The following GNAO1 variants were observed in gnomAD, a reference collection of about 807,000 sequenced individuals.
GNAO1 encodes the protein guanine nucleotide-binding protein G(o) subunit alpha.
For missense variants in GNAO1, 166 were observed against 478.7 expected (o/e 0.35, Z 6.10); for synonymous variants, 164 against 180.7 (o/e 0.91, Z 0.74).
intron 2 of GNAO1, among the ~76,000 whole-genome samples, chr16:56,265,434 C>T (rs2036942362): frequency 6.6e-6 from 1 of 152,216 alleles, no homozygotes; most frequent in African/African-American, 2.4e-5. Flanking sequence ...GAAGAAAGCA[C>T]TTCATAAACA....
intron 6 of GNAO1, chr16:56,343,896 T>C: frequency 6.2e-7 from 1 of 1,614,190 alleles, no homozygotes. Flanking sequence ...TTGTCTTTGA[T>C]GCTGTGACGG....
chr16:56,193,730 G>A, intron 2 of GNAO1: 1 of 238,318 alleles, frequency 4.2e-6, no homozygotes, highest in Non-Finnish European at 8.5e-6. Context: ...TGCTTGGGGA[G>A]GGGGTGGCCG....
chr16:56,201,508 C>T (rs1379882728), intron 2 of GNAO1, among the ~76,000 whole-genome samples: 1 of 152,182 alleles, frequency 6.6e-6, no homozygotes, highest in Non-Finnish European at 1.5e-5. Context: ...GAGATGCCAC[C>T]TGAGGGTTGG....
intron 3 of GNAO1, among the ~76,000 whole-genome samples, chr16:56,297,751 CT>C (rs2037302333): frequency 6.6e-6 from 1 of 152,040 alleles, no homozygotes; most frequent in Non-Finnish European, 1.5e-5. Context: ...ACTTTTTCCC[CT>C]CCTTAGAAAT....
At chr16:56,212,327 G>A (rs563426101) in intron 2 of GNAO1, among the ~76,000 whole-genome samples, 5 of 152,228 alleles carry the variant, frequency 3.3e-5, no homozygotes, top group African/African-American at 1.2e-4. Context: ...GCTAAAAATT[G>A]GTGCTCCTAA....
rs747707167 is a variant in GNAO1, at chr16:56,336,785, C to T, written c.648C>T (p.Phe216=). 4.3e-6 allele frequency: 7 copies of T among 1,613,692 alleles called. No individual in the cohort carries two copies. Among genetic ancestry groups the T allele is most frequent in the South Asian group, 1.1e-5 (1 of 91,070 alleles). The change falls in exon 6 of 9, where the codon TTC becomes TTT. Residue 216 remains phenylalanine (F), a synonymous_variant. Transcript: ENST00000262493. The stretch of plus-strand genomic sequence containing the variant: ...AACGCAAGAAGTGGATCCATTGCTT[C>T]GAGGACGTCACGGCCATCATTTTCT... ...RSERKKWIHC[F]EDVTAIIFCV... is the part of the protein sequence containing the mutation.
intron 3 of GNAO1, among the ~76,000 whole-genome samples, chr16:56,280,019 GA>G (rs1450098300): frequency 6.6e-6 from 1 of 152,224 alleles, no homozygotes; most frequent in East Asian, 1.9e-4. Context: ...AGTTTTCAGA[GA>G]AAAAAAGGCA....
chr16:56,250,582 G>A (rs895123902), intron 2 of GNAO1, among the ~76,000 whole-genome samples: 2 of 152,156 alleles, frequency 1.3e-5, no homozygotes, highest in African/African-American at 2.4e-5. Flanking sequence ...TTGAGATTGC[G>A]TATCAAACCC....
chr16:56,344,343 C>T (rs1333631527), intron 6 of GNAO1: 9 of 1,062,108 alleles, frequency 8.5e-6, no homozygotes, highest in Admixed American at 4.7e-5. Context: ...GGCCCTGCAG[C>T]AGGGTGCTGG....
At chr16:56,286,528 C>T (rs1416399898) in intron 3 of GNAO1, among the ~76,000 whole-genome samples, 19 of 152,148 alleles carry the variant, frequency 1.2e-4, no homozygotes, top group Non-Finnish European at 2.6e-4. Context: ...CCCTCGACTC[C>T]ACAGCATCAC....
intron 3 of GNAO1, among the ~76,000 whole-genome samples, chr16:56,312,180 G>A (rs560828632): frequency 1.3e-5 from 2 of 152,204 alleles, no homozygotes; most frequent in African/African-American, 2.4e-5. Flanking sequence ...AGGGCTGCAC[G>A]GGGCTGGCGA....
At chr16:56,298,628 T>G (rs979553873) in intron 3 of GNAO1, among the ~76,000 whole-genome samples, 9 of 152,124 alleles carry the variant, frequency 5.9e-5, no homozygotes, top group African/African-American at 1.9e-4. Flanking sequence ...AATGAGTTAA[T>G]TAGGCTGGGC....
chr16:56,325,268 G>T (rs2037619966), intron 3 of GNAO1, among the ~76,000 whole-genome samples: 1 of 152,202 alleles, frequency 6.6e-6, no homozygotes, highest in Non-Finnish European at 1.5e-5. Flanking sequence ...CCTGAGGTTG[G>T]GAGTTCGAGA....
chr16:56,306,998 ATTGAGGTAGCGACTTC>A (rs1236134109), intron 3 of GNAO1: 2 of 151,834 alleles, frequency 1.3e-5, no homozygotes, highest in Non-Finnish European at 2.9e-5. Flanking sequence ...AGGAGAGCTA[ATTGAGGTAGCGACTTC>A]TCCTTGGAGA....
intron 2 of GNAO1, among the ~76,000 whole-genome samples, chr16:56,214,231 C>T (rs1208830859): frequency 6.6e-6 from 1 of 152,178 alleles, no homozygotes; most frequent in East Asian, 1.9e-4. Flanking sequence ...CCCGTTGGCC[C>T]TAGCTCTGCA....
At chr16:56,343,653 T>C in intron 6 of GNAO1, 1 of 785,400 alleles carries the variant, frequency 1.3e-6, no homozygotes, top group Non-Finnish European at 2.0e-6. Flanking sequence ...TGTGCAGTTG[T>C]CTCTGAGAGG....
intron 2 of GNAO1, among the ~76,000 whole-genome samples, chr16:56,263,203 A>G (rs1376902718): frequency 6.6e-6 from 1 of 152,166 alleles, no homozygotes; most frequent in African/African-American, 2.4e-5. Context: ...TGAGTGGGGG[A>G]TGGTGGAGAG....
intron 6 of GNAO1, among the ~76,000 whole-genome samples, chr16:56,337,684 T>C (rs1454314359): frequency 6.6e-6 from 1 of 150,694 alleles, no homozygotes; most frequent in East Asian, 1.9e-4. Context: ...GGCAGTGGGG[T>C]GGGTGATGCG....
chr16:56,317,473 A>T (rs1239961311), intron 3 of GNAO1, among the ~76,000 whole-genome samples: 1 of 152,184 alleles, frequency 6.6e-6, no homozygotes, highest in African/African-American at 2.4e-5. Flanking sequence ...TAGATGGGTG[A>T]ATGGATGAGT....
Sources: gnomAD v4.1 joint callset for allele counts (sites outside exome capture counted in the v4.1 genomes callset) on GRCh38, gnomAD v4.1.1 for gene constraint, MANE v1.5 for transcripts, NCBI Gene and HGNC (gene_info 2026-07-23, HGNC 2026-07-21) for gene names.